Variants in GCAT observed in about 807,000 individuals in gnomAD.
The protein encoded by GCAT is glycine C-acetyltransferase, also known as 2-amino-3-ketobutyrate coenzyme A ligase, mitochondrial.
GCAT carries 26 observed loss-of-function variants against 39.7 expected under a neutral mutation model. That is an observed-to-expected ratio of 0.65 (90% CI 0.48 to 0.91). The LOEUF is 0.91. Ranked by LOEUF, GCAT falls within the 40% of genes least tolerant of loss-of-function variation. The pLI, the probability that GCAT is intolerant of heterozygous loss-of-function variation, is 0.00. For synonymous variants in GCAT, 218 were observed against 237.2 expected (o/e 0.92, Z 0.74); for missense variants, 550 against 576.2 (o/e 0.95, Z 0.47).
intron 7 of GCAT, 58 bp downstream of exon 7, chr22:37,815,892 A>C: frequency 6.3e-7 from 1 of 1,591,858 alleles, no homozygotes; most frequent in Non-Finnish European, 8.6e-7. Context: ...AGCCAGCCTC[A>C]TGTGTCTGCC....
chr22:37,816,229 T>A lies in GCAT; in HGVS notation c.1016T>A (p.Phe339Tyr), dbSNP rs528760345. 1 of 1,613,516 alleles carries A rather than the reference T, an allele frequency of 6.2e-7. No individual in the cohort carries two copies. Among genetic ancestry groups the A allele is most frequent in the East Asian group, 2.2e-5 (1 of 44,888 alleles). The change falls in exon 8 of 9, where the codon TTC becomes TAC. Residue 339 changes from phenylalanine (F) to tyrosine (Y), a missense_variant. Around this residue, in one of 3 missense-constraint regions of GCAT, gnomAD observed 378 missense variants for 390.4 expected, o/e 0.97. Coordinates refer to ENST00000248924, the MANE Select transcript of GCAT (RefSeq NM_014291.4). ...CGTAGTAAGATGGAAGCTGCTGGCT[T>A]CACTATCTCGGGAGCCAGTCACCCC... is the stretch of plus-strand genomic sequence containing the variant. The part of the protein sequence containing the change: ...RFRSKMEAAG[F>Y]TISGASHPIC...
intron 1 of GCAT, among the ~76,000 whole-genome samples, chr22:37,808,487 A>T (rs1921220824): frequency 6.6e-6 from 1 of 152,184 alleles, no homozygotes; most frequent in Non-Finnish European, 1.5e-5. Flanking sequence ...AAGAGGCTGA[A>T]ATCCACAGAT....
rs756107855 is a variant in GCAT, at chr22:37,808,141, C to T, written c.174C>T (p.Ile58=). 2 of 1,524,154 alleles carry T rather than the reference C, an allele frequency of 1.3e-6. No individual in the cohort carries two copies. The highest frequency in any genetic ancestry group is 1.4e-5 in the African/African-American group (1 of 69,630). The allele number at this position is 1,524,154 out of a possible 1,614,324, so 94.4% of individuals were successfully genotyped here. The stretch of plus-strand genomic sequence containing the variant: ...TCACGTCCCGTCAGGGGCCGCACAT[C>T]CGCGTGGACGGCGTCTCCGGAGGTA... ...RVITSRQGPH[I]RVDGVSGGIL... is the part of the protein sequence containing the mutation. The change falls in exon 1 of 9, where the codon ATC becomes ATT. Residue 58 remains isoleucine (I), a synonymous_variant. Transcript: ENST00000248924.
chr22:37,808,651 G>T (rs1222557696), intron 1 of GCAT, among the ~76,000 whole-genome samples: 7 of 152,088 alleles, frequency 4.6e-5, no homozygotes, highest in African/African-American at 1.7e-4. Flanking sequence ...CACATGATGA[G>T]TTGGCCCTGC....
At chr22:37,808,273 T>G in intron 1 of GCAT, 110 bp downstream of exon 1, 1 of 837,594 alleles carries the variant, frequency 1.2e-6, no homozygotes, top group Non-Finnish European at 1.7e-6. Context: ...ACTGTTCCCC[T>G]TCGCATCTCT....
intron 1 of GCAT, chr22:37,809,819 CA>C (rs373397808): frequency 0.15 from 59,969 of 408,292 alleles, 12 homozygotes; most frequent in South Asian, 0.24. Flanking sequence ...GACCCTGTCT[CA>C]AAAAAAAAAA....
intron 2 of GCAT, 44 bp from the exon 3 acceptor site, chr22:37,812,843 A>T: frequency 7.5e-7 from 1 of 1,342,148 alleles, no homozygotes; most frequent in Non-Finnish European, 1.1e-6. Context: ...CTTGTCCCAC[A>T]TGACCCCACA....
chr22:37,811,308 C>A (rs1921559642), intron 2 of GCAT, among the ~76,000 whole-genome samples: 1 of 151,674 alleles, frequency 6.6e-6, no homozygotes, highest in Non-Finnish European at 1.5e-5. Context: ...CATGGCGAAA[C>A]CCTTTCTCTA....
In GCAT at chr22:37,815,132, C is replaced by T. The variant is rs368808480; in HGVS notation, c.583C>T (p.Arg195Trp). ...EAKLQEAQKH[R>W]LRLVATDGAF... ...GCTCATGTCTTTCCTGCAGAAGCAT[C>T]GGCTGCGCCTGGTGGCCACTGATGG... The change falls in exon 5 of 9, where the codon CGG becomes TGG. Residue 195 changes from arginine (R) to tryptophan (W), a missense_variant. Arg to Trp is a moderately radical substitution (Grantham distance 101). Around this residue, in one of 3 missense-constraint regions of GCAT, gnomAD observed 378 missense variants for 390.4 expected, o/e 0.97. Transcript: ENST00000248924. 15 of 1,613,644 alleles carry T rather than the reference C, an allele frequency of 9.3e-6. No homozygotes were observed. The highest frequency in any genetic ancestry group is 2.7e-5 in the African/African-American group (2 of 74,930).
At chr22:37,815,857 C>G (rs777653235) in intron 7 of GCAT, 23 bp downstream of exon 7, 1 of 1,612,168 alleles carries the variant, frequency 6.2e-7, no homozygotes, top group Admixed American at 1.7e-5. Context: ...GCAGGGCAGG[C>G]TCGGGGGCGG....
At chr22:37,808,194 A>C (rs1921182117) in intron 1 of GCAT, 31 bp downstream of exon 1, 19 of 1,421,356 alleles carry the variant, frequency 1.3e-5, no homozygotes, top group Admixed American at 5.7e-5. Context: ...TCGTTCCAAG[A>C]CCTTTCCCGA....
Position 37,810,105 on chromosome 22 carries a change from TGGA to T in GCAT, c.280_282del (p.Glu94del). 1 of 1,614,214 alleles carries T rather than the reference TGGA, an allele frequency of 6.2e-7. No individual in the cohort carries two copies. Among genetic ancestry groups the T allele is most frequent in the Non-Finnish European group, 8.5e-7 (1 of 1,180,008 alleles). ...GTGATCCAGGCAGGTCTGCAGGCTC[TGGA>T]GGAGTTTGGAGCTGGCCTCAGCTCT... On this transcript the variant is annotated inframe_deletion, in exon 2 of 9. Coordinates refer to ENST00000248924, the MANE Select transcript of GCAT (RefSeq NM_014291.4).
At chr22:37,813,671 G>A in intron 4 of GCAT, 62 bp downstream of exon 4, 2 of 1,450,098 alleles carry the variant, frequency 1.4e-6, no homozygotes, top group South Asian at 2.7e-5. Flanking sequence ...GGCTTAGAGA[G>A]GCCAACTCCT....
At position 37,816,269 on chromosome 22, in the gene GCAT, G is replaced by A; in HGVS notation, c.1056G>A (p.Met352Ile). Reference sequence around the variant, plus strand: ...CCAGTCACCCCATCTGCCCTGTGATGCTGGGTGATGCCCGGCTGGCCTCTC... The same window carrying A: ...CCAGTCACCCCATCTGCCCTGTGATACTGGGTGATGCCCGGCTGGCCTCTC... ...SGASHPICPV[M>I]LGDARLASRM... Residue 352 changes from methionine to isoleucine, a missense_variant, in exon 8 of 9, where the codon ATG becomes ATA. This residue lies in a region of GCAT where 378 missense variants were observed against 390.4 expected (regional missense o/e 0.97). Coordinates refer to ENST00000248924, the MANE Select transcript of GCAT (RefSeq NM_014291.4). The A allele has an allele frequency of 6.2e-7, 1 of 1,613,228 alleles. No homozygotes were observed.
chr22:37,815,684 G>A lies in GCAT; in HGVS notation c.836G>A (p.Gly279Glu), dbSNP rs1405887834. ...GASGGYTTGP[G>E]PLVSLLRQRA... The stretch of plus-strand genomic sequence containing the variant: ...TCAGGGGGCTACACGACAGGGCCTG[G>A]GCCCCTGGTGTCCCTGCTGCGGCAG... Residue 279 changes from glycine (G) to glutamate (E), a missense_variant, in exon 7 of 9, where the codon GGG becomes GAG. Gly to Glu is a moderately conservative substitution (Grantham distance 98, BLOSUM62 -2). Transcript: ENST00000248924. 6 of 1,612,386 alleles carry A rather than the reference G, an allele frequency of 3.7e-6. 1 individual carries two copies. The South Asian group carries it at 6.6e-5, about 18-fold the overall frequency.
intron 7 of GCAT, 28 bp from the exon 8 acceptor site, chr22:37,816,172 A>T: frequency 6.2e-7 from 1 of 1,609,690 alleles, no homozygotes; most frequent in Non-Finnish European, 8.5e-7. Context: ...ACGGCCCCTT[A>T]GCTACCTGTG....
In GCAT at chr22:37,811,480, C is replaced by CAAA. The variant is rs59876225; in HGVS notation, c.327+1344_327+1346dup. Among the ~76,000 whole-genome samples the CAAA allele has an allele frequency of 3.4e-3, 157 of 46,802 alleles. 5 individuals are homozygous for CAAA. Among genetic ancestry groups the CAAA allele is most frequent in the Middle Eastern group, 0.021 (1 of 48 alleles). The allele number at this position is 46,802 out of a possible 152,430, so 30.7% of individuals were successfully genotyped here. On this transcript the variant is annotated intron_variant, in intron 2 of 8. Coordinates refer to ENST00000248924, the MANE Select transcript of GCAT (RefSeq NM_014291.4). ...TGAGCAACAGAGTGAGACTCTGTCT[C>CAAA]AAAAAAAAAAAAAAAAAAAAAAAGC...
intron 7 of GCAT, 89 bp from the exon 8 acceptor site, chr22:37,816,111 T>C: frequency 6.8e-7 from 1 of 1,476,148 alleles, no homozygotes; most frequent in Non-Finnish European, 9.2e-7. Context: ...CTTGCAGACT[T>C]GGGCATAGAC....
rs112502506 is a variant in GCAT, at chr22:37,810,762, A to G, written c.327+605A>G. 4.1e-3 allele frequency among the ~76,000 whole-genome samples: 623 copies of G among 151,986 alleles called. 6 individuals are homozygous for G. Among genetic ancestry groups the G allele is most frequent in the African/African-American group, 0.014 (597 of 41,460 alleles). ...GATCTCCTGACCTCGTGATCCACCC[A>G]CCTTGGCCTCCCAAAGTGCTGGGAT... is the stretch of plus-strand genomic sequence containing the variant. On this transcript the variant is annotated intron_variant, in intron 2 of 8. Coordinates refer to ENST00000248924, the MANE Select transcript of GCAT (RefSeq NM_014291.4).
Sources: allele counts gnomAD v4.1 joint callset (sites outside exome capture counted in the v4.1 genomes callset), GRCh38; gene constraint gnomAD v4.1.1; regional missense constraint gnomAD v4.1.1; transcripts MANE v1.5; gene names NCBI Gene and HGNC (gene_info 2026-07-23, HGNC 2026-07-21).